The following SNX13 variants were observed in gnomAD, a reference collection of about 807,000 sequenced individuals.
SNX13 encodes the protein sorting nexin-13.
A neutral mutation model predicts 133.6 loss-of-function variants in SNX13; 45 were observed. The ratio of observed to expected loss-of-function variants is 0.34; its 90% confidence interval spans 0.27 to 0.43. SNX13 has a LOEUF of 0.43. Among genes scored for constraint, SNX13 ranks in the 20% least tolerant of loss-of-function variants. SNX13 has a pLI of 1.00. For synonymous variants in SNX13, 414 were observed against 373.9 expected, an observed-to-expected ratio of 1.11 and a Z score of -1.24; for missense variants, 1,032 against 1,145.1, an observed-to-expected ratio of 0.90 and a Z score of 1.43.
intron 1 of SNX13, among the ~76,000 whole-genome samples, chr7:17,916,187 G>GACAT (rs1799541970): frequency 8.2e-6 from 1 of 121,800 alleles, no homozygotes; most frequent in Non-Finnish European, 1.7e-5. Flanking sequence ...CTACACCAAG[G>GACAT]AGATAGACGT....
chr7:17,873,244 T>G (rs2128352121), intron 8 of SNX13, among the ~76,000 whole-genome samples: 1 of 152,328 alleles, frequency 6.6e-6, no homozygotes, highest in Non-Finnish European at 1.5e-5. Context: ...ATTTAACTTT[T>G]CACTCTTGTT....
chr7:17,814,730 A>T, intron 20 of SNX13, 104 bp downstream of exon 20: 1 of 932,224 alleles, frequency 1.1e-6, no homozygotes, highest in East Asian at 3.3e-5. Context: ...AAAATTTTCT[A>T]GTTTTAAAAC....
At position 17,940,466 on chromosome 7, in the gene SNX13, CGACG is replaced by C; in HGVS notation, c.-175_-172del. The stretch of plus-strand genomic sequence containing the variant: ...GGCCTCCCCTCGGCCCGGTCGCTCG[CGACG>C]GACGCGCCGCCATCTTGGAAGAGCG... On this transcript the variant is annotated 5_prime_UTR_variant, in exon 1 of 26. It introduces an in-frame stop codon into an upstream open reading frame of the 5' UTR. Transcript: ENST00000428135. 1.3e-6 allele frequency: 1 copy of C among 751,784 alleles called. No individual in the cohort carries two copies. Among genetic ancestry groups the C allele is most frequent in the Non-Finnish European group, 2.3e-6 (1 of 430,064 alleles). The allele number at this position is 751,784 out of a possible 1,614,324, so 46.6% of individuals were successfully genotyped here.
chr7:17,937,703 A>G (rs1171197286), intron 1 of SNX13, among the ~76,000 whole-genome samples: 1 of 152,140 alleles, frequency 6.6e-6, no homozygotes, highest in Non-Finnish European at 1.5e-5. Context: ...TTCCACACTG[A>G]GTCATAAAAA....
chr7:17,865,209 T>C (rs996235131), intron 9 of SNX13, among the ~76,000 whole-genome samples: 2 of 152,170 alleles, frequency 1.3e-5, no homozygotes, highest in East Asian at 1.9e-4. Context: ...AGAATAATAC[T>C]GCAACTGTGG....
At chr7:17,925,773 C>T (rs1385959734) in intron 1 of SNX13, among the ~76,000 whole-genome samples, 4 of 140,180 alleles carry the variant, frequency 2.9e-5, no homozygotes, top group Middle Eastern at 3.5e-3. Flanking sequence ...ATGAAGAGGA[C>T]GAAGAAGGGG....
Position 17,845,605 on chromosome 7 carries a change from T to C in SNX13, c.1155A>G (p.Gln385=), listed in dbSNP as rs758684199. Reference sequence around the variant, plus strand: ...AATTGATCTACCTACCCATAAAAAATTGTAGTGCAACATTGTCTACAAGAA... The same window carrying C: ...AATTGATCTACCTACCCATAAAAAACTGTAGTGCAACATTGTCTACAAGAA... ...DSILVDNVAL[Q]FFMDYMQQTG... Residue 385 remains glutamine, a synonymous_variant, in exon 12 of 26, where the codon CAA becomes CAG. Coordinates refer to ENST00000428135, the MANE Select transcript of SNX13 (RefSeq NM_015132.5). The C allele has an allele frequency of 2.5e-6, 4 of 1,585,122 alleles. No individual in the cohort carries two copies. Among genetic ancestry groups the C allele is most frequent in the African/African-American group, 1.4e-5 (1 of 73,684 alleles).
chr7:17,859,159 G>A (rs1318896323), intron 9 of SNX13, among the ~76,000 whole-genome samples: 1 of 151,874 alleles, frequency 6.6e-6, no homozygotes, highest in East Asian at 1.9e-4. Context: ...AAAATACCAA[G>A]TCATAACCTA....
intron 18 of SNX13, among the ~76,000 whole-genome samples, chr7:17,818,697 T>C (rs1418982741): frequency 6.6e-6 from 1 of 152,196 alleles, no homozygotes; most frequent in Non-Finnish European, 1.5e-5. Flanking sequence ...AGGATTTCAA[T>C]GTTTAAAAAT....
At chr7:17,876,566 T>C (rs541761701) in intron 5 of SNX13, among the ~76,000 whole-genome samples, 15 of 104,098 alleles carry the variant, frequency 1.4e-4, no homozygotes, top group Admixed American at 4.4e-4. Flanking sequence ...GGAACAGAGC[T>C]ATCTCATCAA....
At position 17,794,043 on chromosome 7, in the gene SNX13, T is replaced by G; in HGVS notation, c.*2A>C. On this transcript the variant is annotated 3_prime_UTR_variant, in exon 26 of 26. Coordinates refer to ENST00000428135, the MANE Select transcript of SNX13 (RefSeq NM_015132.5). ...TGAACACCAGCTTCATAGAGTGGAG[T>G]GTCACCTTTTCTGCAAAGAAGGCGC... 1 of 1,610,412 alleles carries G rather than the reference T, an allele frequency of 6.2e-7. No homozygotes were observed. The highest frequency in any genetic ancestry group is 8.5e-7 in the Non-Finnish European group (1 of 1,177,698).
chr7:17,891,720 C>T (rs1375592817), intron 3 of SNX13, 85 bp from the exon 4 acceptor site: 1 of 814,708 alleles, frequency 1.2e-6, no homozygotes, highest in Non-Finnish European at 2.0e-6. Flanking sequence ...CTCAATGTAA[C>T]ATCCCTTCAT....
intron 12 of SNX13, among the ~76,000 whole-genome samples, chr7:17,844,574 C>G (rs2128320144): frequency 6.6e-6 from 1 of 152,090 alleles, no homozygotes; most frequent in South Asian, 2.1e-4. Context: ...ATCCTGAAAA[C>G]AGAACCAGAT....
intron 13 of SNX13, among the ~76,000 whole-genome samples, chr7:17,836,196 C>G (rs1222793793): frequency 2.0e-5 from 3 of 151,812 alleles, no homozygotes; most frequent in Non-Finnish European, 4.4e-5. Flanking sequence ...GTCAAGATCC[C>G]CTCTTCCAAA....
In SNX13 at chr7:17,844,978, G is replaced by C. The variant is rs1211657245; in HGVS notation, c.1165+617C>G. On this transcript the variant is annotated intron_variant, in intron 12 of 25. Transcript: ENST00000428135. The stretch of plus-strand genomic sequence containing the variant: ...GACAAAATACTTTTCTTTAAGATCA[G>C]GAACAAGACAAAGATTAAGATCAGG... Among the ~76,000 whole-genome samples the C allele has an allele frequency of 3.3e-5, 5 of 152,112 alleles. No individual in the cohort carries two copies. The East Asian group carries it at 9.7e-4, about 29-fold the overall frequency.
chr7:17,806,613 A>G (rs1243736388), intron 20 of SNX13, among the ~76,000 whole-genome samples: 1 of 152,110 alleles, frequency 6.6e-6, no homozygotes, highest in Non-Finnish European at 1.5e-5. Flanking sequence ...GAAATGAATC[A>G]GAAAGATAGG....
At chr7:17,927,189 A>G (rs1017594907) in intron 1 of SNX13, among the ~76,000 whole-genome samples, 1 of 150,076 alleles carries the variant, frequency 6.7e-6, no homozygotes, top group Admixed American at 6.7e-5. Context: ...GCGTGTACAT[A>G]TAATATATAT....
rs776271055 is a variant in SNX13 at position 17,794,278 on chromosome 7, T to C, written c.2641A>G (p.Ile881Val). The change falls in exon 26 of 26, where the codon ATT (isoleucine) becomes GTT (valine). Residue 881 changes from isoleucine (I) to valine (V), a missense_variant. By Grantham distance (29) the Ile-to-Val change is conservative (BLOSUM62 3). Transcript: ENST00000428135. ...LAIMPDELKH[I>V]IGAETTRKGI... The stretch of plus-strand genomic sequence containing the variant: ...TTCCGTGTTGTCTCAGCCCCAATAA[T>C]GTGCTTCAGCTCATCTAAATGAAGT... The C allele has an allele frequency of 2.6e-5, 42 of 1,610,662 alleles. No homozygotes were observed. The highest frequency in any genetic ancestry group is 3.5e-5 in the Non-Finnish European group (41 of 1,178,034).
chr7:17,932,490 C>T (rs1159886449), intron 1 of SNX13, among the ~76,000 whole-genome samples: 1 of 152,172 alleles, frequency 6.6e-6, no homozygotes, highest in Non-Finnish European at 1.5e-5. Flanking sequence ...TAATTTTTCA[C>T]TTTAATCTTA....
Sources: gnomAD v4.1 joint callset for allele counts (sites outside exome capture counted in the v4.1 genomes callset) on GRCh38, gnomAD v4.1.1 for gene constraint, MANE v1.5 for transcripts, NCBI Gene and HGNC (gene_info 2026-07-23, HGNC 2026-07-21) for gene names.